Variants in NVL observed in about 807,000 individuals in gnomAD.
The protein encoded by NVL is nuclear valosin-containing protein-like.
In NVL, 84 loss-of-function variants were observed where a neutral mutation model predicts 110.2. That is an observed-to-expected ratio of 0.76 (90% confidence interval 0.64 to 0.91). The LOEUF (loss-of-function observed/expected upper bound fraction) is 0.91. Among genes scored for constraint, NVL ranks in the 40% least tolerant of loss-of-function variants. NVL has a pLI of 0.00. For synonymous variants in NVL, 354 were observed against 361.1 expected (o/e 0.98, Z 0.22); for missense variants, 882 against 1,035.9 (o/e 0.85, Z 2.04).
intron 18 of NVL, among the ~76,000 whole-genome samples, chr1:224,257,640 G>T (rs1663442013): frequency 6.6e-6 from 1 of 151,964 alleles, no homozygotes; most frequent in Non-Finnish European, 1.5e-5. Context: ...CAATCCTCCC[G>T]CCATAGCCTC....
intron 19 of NVL, among the ~76,000 whole-genome samples, chr1:224,238,808 A>C (rs1660827343): frequency 6.6e-6 from 1 of 152,088 alleles, no homozygotes; most frequent in African/African-American, 2.4e-5. Flanking sequence ...TCGGTGTGGG[A>C]ATGTTCTATT....
chr1:224,289,218 G>A (rs1334760085), intron 13 of NVL: 1 of 393,900 alleles, frequency 2.5e-6, no homozygotes. Flanking sequence ...AAAAACACGT[G>A]GTGGGTGGGT....
chr1:224,232,664 A>T (rs1179769460), intron 21 of NVL, among the ~76,000 whole-genome samples: 1 of 152,076 alleles, frequency 6.6e-6, no homozygotes, highest in Non-Finnish European at 1.5e-5. Flanking sequence ...CCAGCAGACA[A>T]TTTTTTTCCC....
At chr1:224,289,230 G>A in intron 13 of NVL, 1 of 416,800 alleles carries the variant, frequency 2.4e-6, no homozygotes, top group Non-Finnish European at 4.3e-6. Context: ...TGGGTGGGTA[G>A]GCCACAGTCT....
chr1:224,276,298 C>G (rs1665751374), intron 16 of NVL, among the ~76,000 whole-genome samples: 1 of 151,936 alleles, frequency 6.6e-6, no homozygotes, highest in African/African-American at 2.4e-5. Context: ...TGCAGTGGAG[C>G]CATCTCGGCT....
At chr1:224,282,246 T>C (rs1171172619) in intron 15 of NVL, among the ~76,000 whole-genome samples, 1 of 152,020 alleles carries the variant, frequency 6.6e-6, no homozygotes, top group Non-Finnish European at 1.5e-5. Context: ...TTGTATTTTT[T>C]TGGTAGAGGC....
intron 22 of NVL, among the ~76,000 whole-genome samples, chr1:224,228,940 A>AAG: frequency 6.6e-6 from 1 of 150,868 alleles, no homozygotes; most frequent in South Asian, 2.1e-4. Flanking sequence ...AAAAAAAAAA[A>AAG]AAAAAAGAAA....
intron 2 of NVL, among the ~76,000 whole-genome samples, chr1:224,325,133 A>G (rs1671014148): frequency 6.6e-6 from 1 of 151,742 alleles, no homozygotes. Context: ...TGGTTAGCAC[A>G]CGCCTGTAAT....
intron 18 of NVL, among the ~76,000 whole-genome samples, chr1:224,267,174 C>T (rs1442732989): frequency 6.6e-6 from 1 of 152,174 alleles, no homozygotes; most frequent in Non-Finnish European, 1.5e-5. Context: ...CCATCTTCTG[C>T]ACTTCTGTAG....
chr1:224,249,042 C>T (rs753817063), intron 19 of NVL, among the ~76,000 whole-genome samples: 2 of 152,178 alleles, frequency 1.3e-5, no homozygotes, highest in Non-Finnish European at 2.9e-5. Flanking sequence ...CATCCCAAGG[C>T]TATAGAAATG....
At chr1:224,302,492 C>A (rs559604695) in intron 9 of NVL, among the ~76,000 whole-genome samples, 1 of 152,130 alleles carries the variant, frequency 6.6e-6, no homozygotes, top group African/African-American at 2.4e-5. Context: ...TGAGCCACTG[C>A]GCCCGGCGAG....
chr1:224,227,701 A>T, intron 22 of NVL, 31 bp from the exon 23 acceptor site: 1 of 1,599,088 alleles, frequency 6.3e-7, no homozygotes, highest in Non-Finnish European at 8.5e-7. Context: ...GAATACAGAG[A>T]CCGTCACTGC....
At chr1:224,294,677 A>G (rs1667707115) in intron 11 of NVL, among the ~76,000 whole-genome samples, 1 of 152,228 alleles carries the variant, frequency 6.6e-6, no homozygotes, top group Admixed American at 6.5e-5. Flanking sequence ...TTTGTGAAGT[A>G]TAATAACAGA....
At chr1:224,251,472 T>C (rs943589944) in intron 18 of NVL, among the ~76,000 whole-genome samples, 4 of 151,878 alleles carry the variant, frequency 2.6e-5, no homozygotes, top group Non-Finnish European at 5.9e-5. Flanking sequence ...ACCCTGTGCC[T>C]ACTAAAAAAA....
chr1:224,295,416 G>A (rs1312737861), intron 11 of NVL, among the ~76,000 whole-genome samples: 1 of 151,810 alleles, frequency 6.6e-6, no homozygotes, highest in Non-Finnish European at 1.5e-5. Flanking sequence ...TAACCAGGAT[G>A]GTCTCGATCT....
chr1:224,307,886 TC>T (rs1487295890), intron 6 of NVL, 104 bp downstream of exon 6: 2 of 1,060,746 alleles, frequency 1.9e-6, no homozygotes, highest in African/African-American at 3.2e-5. Context: ...ATTTTAAAGT[TC>T]CTATGCCTTC....
Position 224,257,516 on chromosome 1 carries a change from CTGTT to C in NVL, c.2183-7202_2183-7199del, listed in dbSNP as rs113413944. Among the ~76,000 whole-genome samples, 36 of 7,656 alleles carry C rather than the reference CTGTT, an allele frequency of 4.7e-3. 1 individual carries two copies. Among genetic ancestry groups the C allele is most frequent in the African/African-American group, 5.3e-3 (35 of 6,598 alleles). 5.0% of individuals were successfully genotyped at this position (7,656 alleles called of 152,430 possible). ...CTAGGACAAGTGGTTTTTTGTTTGT[CTGTT>C]TGTTTGTTTGTTTGTTTCTTTTTTT... is the stretch of plus-strand genomic sequence containing the variant. On this transcript the variant is annotated intron_variant, in intron 18 of 22. Transcript: ENST00000281701.
chr1:224,233,414 T>C (rs2102696943), intron 20 of NVL, 125 bp from the exon 21 acceptor site: 4 of 602,254 alleles, frequency 6.6e-6, no homozygotes, highest in Non-Finnish European at 1.1e-5. Flanking sequence ...CCAATAAAGA[T>C]GAGAAATAAA....
intron 4 of NVL, among the ~76,000 whole-genome samples, chr1:224,315,057 CTTTTTTTTTT>C (rs71168402): frequency 7.0e-6 from 1 of 143,372 alleles, no homozygotes; most frequent in Admixed American, 7.0e-5. Flanking sequence ...AACTCTGTTT[CTTTTTTTTTT>C]TTTTTAGAGA....
Sources: gnomAD v4.1 joint callset for allele counts (sites outside exome capture counted in the v4.1 genomes callset) on GRCh38, gnomAD v4.1.1 for gene constraint, MANE v1.5 for transcripts, NCBI Gene and HGNC (gene_info 2026-07-23, HGNC 2026-07-21) for gene names.